The following TSPAN5 variants were observed in gnomAD, a reference collection of about 807,000 sequenced individuals.
TSPAN5 encodes the protein tetraspanin-5.
Under a neutral mutation model 37.1 loss-of-function variants are expected in TSPAN5, and 10 were observed. The ratio of observed to expected loss-of-function variants is 0.27; its 90% CI spans 0.17 to 0.46. TSPAN5 has a LOEUF of 0.46. TSPAN5 is among the 20% of genes least tolerant of loss of function. The pLI, the probability that TSPAN5 is intolerant of heterozygous loss-of-function variation, is 1.00. For missense variants in TSPAN5, 195 were observed against 326.6 expected, an observed-to-expected ratio of 0.60 and a Z score of 3.11; for synonymous variants, 110 against 118.9, an observed-to-expected ratio of 0.93 and a Z score of 0.48.
intron 1 of TSPAN5, among the ~76,000 whole-genome samples, chr4:98,594,140 G>C (rs1755711098): frequency 1.7e-5 from 2 of 119,172 alleles, no homozygotes; most frequent in Admixed American, 1.6e-4. Context: ...AGTTCTCCTT[G>C]AAGAGGTCCT....
At chr4:98,506,296 G>A (rs370086800) in intron 2 of TSPAN5, among the ~76,000 whole-genome samples, 29 of 152,206 alleles carry the variant, frequency 1.9e-4, no homozygotes, top group African/African-American at 7.0e-4. Flanking sequence ...AAGATCAACC[G>A]ATATTCAATG....
In TSPAN5 at chr4:98,472,298, T is replaced by C. The variant is rs1424318716; in HGVS notation, c.*224A>G. ...ACTGTCCATAAATTCATGGCTACAGTAGAGATTCACGGCGCAACGACTTTC... is the reference window on the plus strand; with the variant it reads ...ACTGTCCATAAATTCATGGCTACAGCAGAGATTCACGGCGCAACGACTTTC... On this transcript the variant is annotated 3_prime_UTR_variant, in exon 8 of 8. Coordinates refer to ENST00000305798, the MANE Select transcript of TSPAN5 (RefSeq NM_005723.4). 9.2e-6 allele frequency: 4 copies of C among 434,422 alleles called. No individual in the cohort carries two copies. The highest frequency in any genetic ancestry group is 5.5e-5 in the South Asian group (1 of 18,116). The allele number at this position is 434,422 out of a possible 1,614,324, so 26.9% of individuals were successfully genotyped here. A position where few individuals can be genotyped will look rare whatever the true frequency, so the allele number is the denominator to read the frequency against.
At chr4:98,490,935 G>A (rs754272563) in intron 2 of TSPAN5, among the ~76,000 whole-genome samples, 9 of 152,010 alleles carry the variant, frequency 5.9e-5, no homozygotes, top group South Asian at 2.1e-4. Context: ...GGCAGCACGC[G>A]CCTGTAGTTC....
chr4:98,617,429 G>A (rs1234745333), intron 1 of TSPAN5, among the ~76,000 whole-genome samples: 2 of 152,126 alleles, frequency 1.3e-5, no homozygotes, highest in African/African-American at 4.8e-5. Context: ...GGTATCAGAG[G>A]ATGTTAGCAA....
intron 1 of TSPAN5, among the ~76,000 whole-genome samples, chr4:98,592,669 G>A (rs1249326714): frequency 2.1e-5 from 3 of 141,902 alleles, no homozygotes; most frequent in Admixed American, 7.5e-5. Flanking sequence ...TCCCACCTAT[G>A]AGTGAGAATA....
chr4:98,580,785 T>C (rs1172081381), intron 1 of TSPAN5, among the ~76,000 whole-genome samples: 1 of 152,238 alleles, frequency 6.6e-6, no homozygotes, highest in African/African-American at 2.4e-5. Context: ...CTATTTATAA[T>C]GTCAGCCAAT....
chr4:98,648,545 G>A (rs1757117216), intron 1 of TSPAN5, among the ~76,000 whole-genome samples: 1 of 152,226 alleles, frequency 6.6e-6, no homozygotes, highest in South Asian at 2.1e-4. Context: ...ACTAGTTGCA[G>A]CACCAGAGGT....
chr4:98,624,934 TAA>T, intron 1 of TSPAN5, among the ~76,000 whole-genome samples: 1 of 152,214 alleles, frequency 6.6e-6, no homozygotes, highest in Non-Finnish European at 1.5e-5. Flanking sequence ...AGAGAGGCAT[TAA>T]TGAACGTATT....
At chr4:98,550,602 G>T (rs1754591223) in intron 1 of TSPAN5, among the ~76,000 whole-genome samples, 1 of 98,820 alleles carries the variant, frequency 1.0e-5, no homozygotes. Flanking sequence ...TATATTCCCA[G>T]CTGGGTTTTT....
At chr4:98,635,484 G>C (rs932390622) in intron 1 of TSPAN5, among the ~76,000 whole-genome samples, 1 of 152,308 alleles carries the variant, frequency 6.6e-6, no homozygotes, top group South Asian at 2.1e-4. Flanking sequence ...GGTGGATCTA[G>C]CTAGATAGAA....
intron 1 of TSPAN5, among the ~76,000 whole-genome samples, chr4:98,527,177 TA>T (rs1217705200): frequency 2.0e-5 from 3 of 152,152 alleles, no homozygotes; most frequent in Non-Finnish European, 2.9e-5. Context: ...ACAGGTTATA[TA>T]ACCAGCCCAT....
chr4:98,584,922 A>C (rs1489195520), intron 1 of TSPAN5, among the ~76,000 whole-genome samples: 4 of 152,188 alleles, frequency 2.6e-5, no homozygotes, highest in Non-Finnish European at 5.9e-5. Flanking sequence ...GAAGGGATTT[A>C]ACATTTGAGG....
intron 1 of TSPAN5, among the ~76,000 whole-genome samples, chr4:98,591,512 C>A (rs1438692314): frequency 1.2e-5 from 1 of 81,778 alleles, no homozygotes; most frequent in South Asian, 4.7e-4. Context: ...GGCTACTAAA[C>A]ACTTGATATG....
At chr4:98,556,047 A>C (rs115513931) in intron 1 of TSPAN5, among the ~76,000 whole-genome samples, 34,928 of 61,962 alleles carry the variant, frequency 0.56, 10,702 homozygotes, top group African/African-American at 0.6. Flanking sequence ...ACCCCCACAC[A>C]CACACACACA....
chr4:98,496,468 C>G (rs1317602807), intron 2 of TSPAN5: 1 of 150,974 alleles, frequency 6.6e-6, no homozygotes, highest in Non-Finnish European at 1.5e-5. Flanking sequence ...GGCTCCTTCC[C>G]ATTTTTTCTT....
intron 2 of TSPAN5, among the ~76,000 whole-genome samples, chr4:98,495,668 T>G (rs1016937433): frequency 6.6e-6 from 1 of 152,122 alleles, no homozygotes; most frequent in African/African-American, 2.4e-5. Context: ...TCTGAGTAAC[T>G]ATTTCTTCTT....
intron 2 of TSPAN5, among the ~76,000 whole-genome samples, chr4:98,489,096 GAGA>G (rs1242899694): frequency 6.6e-6 from 1 of 152,266 alleles, no homozygotes; most frequent in African/African-American, 2.4e-5. Context: ...TTAATTATGG[GAGA>G]AGAAGACACA....
At chr4:98,569,160 G>A (rs1186635128) in intron 1 of TSPAN5, among the ~76,000 whole-genome samples, 2 of 152,166 alleles carry the variant, frequency 1.3e-5, no homozygotes, top group African/African-American at 4.8e-5. Flanking sequence ...ATCTGATTAT[G>A]ATTTGGCTTC....
chr4:98,542,040 G>A (rs1221248418), intron 1 of TSPAN5, among the ~76,000 whole-genome samples: 1 of 152,156 alleles, frequency 6.6e-6, no homozygotes, highest in Non-Finnish European at 1.5e-5. Flanking sequence ...GCTGAATGCT[G>A]GCAGCTAGTA....
Sources: allele counts gnomAD v4.1 joint callset (sites outside exome capture counted in the v4.1 genomes callset), GRCh38; gene constraint gnomAD v4.1.1; transcripts MANE v1.5; gene names NCBI Gene and HGNC (gene_info 2026-07-23, HGNC 2026-07-21).